Variants in RBPJ observed in about 807,000 individuals in gnomAD.
The protein encoded by RBPJ is recombination signal binding protein for immunoglobulin kappa J region.
RBPJ carries 9 observed loss-of-function variants against 67.8 expected under a neutral mutation model. That is an observed-to-expected ratio of 0.13 (90% confidence interval 0.08 to 0.23). The LOEUF is 0.23. Ranked by LOEUF, RBPJ falls within the 10% of genes least tolerant of loss-of-function variation. RBPJ has a pLI of 1.00. For missense variants in RBPJ, 305 were observed against 595.6 expected (o/e 0.51, Z 5.08); for synonymous variants, 198 against 203.3 (o/e 0.97, Z 0.22).
chr4:26,330,140 T>C (rs1724080657), intron 1 of RBPJ, among the ~76,000 whole-genome samples: 3 of 152,256 alleles, frequency 2.0e-5, no homozygotes, highest in African/African-American at 7.2e-5. Context: ...AGTGTTGTGC[T>C]TATTGTAGGT....
Position 26,424,846 on chromosome 4 carries a change from C to A in RBPJ, c.747+103C>A. The A allele has an allele frequency of 1.5e-6, 1 of 675,650 alleles. No homozygotes were observed. Among genetic ancestry groups the A allele is most frequent in the Non-Finnish European group, 2.6e-6 (1 of 388,982 alleles). 41.9% of individuals were successfully genotyped at this position (675,650 alleles called of 1,614,324 possible). A position where few individuals can be genotyped will look rare whatever the true frequency, so the allele number is the denominator to read the frequency against. ...TGGAAAAACACACCTCAGTTTTATGCTTTTTAATTTTAAAAGGTATGTTAG... is the reference window on the plus strand; with the variant it reads ...TGGAAAAACACACCTCAGTTTTATGATTTTTAATTTTAAAAGGTATGTTAG... On this transcript the variant is annotated intron_variant, in intron 7 of 10. Coordinates refer to ENST00000355476, the MANE Select transcript of RBPJ (RefSeq NM_015874.6). This position sits in a 1 kb window ranked among gnomAD's most constrained non-coding sequence, Gnocchi z 5.3.
At chr4:26,220,941 G>A (rs1718882172) in intron 1 of RBPJ, among the ~76,000 whole-genome samples, 1 of 152,164 alleles carries the variant, frequency 6.6e-6, no homozygotes, top group East Asian at 1.9e-4. Flanking sequence ...TAATCCTATA[G>A]CATCTACTGA....
chr4:26,371,649 C>G (rs972366603), intron 1 of RBPJ, among the ~76,000 whole-genome samples: 4 of 152,072 alleles, frequency 2.6e-5, no homozygotes, highest in Non-Finnish European at 5.9e-5. Context: ...ACACAGATTT[C>G]CCTGGTTTAT....
chr4:26,406,395 A>G lies in RBPJ; in HGVS notation c.155+125A>G, dbSNP rs951572388. 5 of 631,762 alleles carry G rather than the reference A, an allele frequency of 7.9e-6. No homozygotes were observed. In the East Asian group the frequency reaches 1.1e-4, roughly 14 times the overall value. 39.1% of individuals were successfully genotyped at this position (631,762 alleles called of 1,614,324 possible). A position where few individuals can be genotyped will look rare whatever the true frequency, so the allele number is the denominator to read the frequency against. On this transcript the variant is annotated intron_variant, in intron 3 of 10. Coordinates refer to ENST00000355476, the MANE Select transcript of RBPJ (RefSeq NM_015874.6). ...TTCATTTGCTAGTACAAAATAAAAA[A>G]TAGGGGATTTGTCTCCTGAAGGGGA...
At chr4:26,398,067 A>G (rs530426362) in intron 2 of RBPJ, among the ~76,000 whole-genome samples, 55 of 117,204 alleles carry the variant, frequency 4.7e-4, no homozygotes, top group Non-Finnish European at 8.9e-4. Flanking sequence ...TTCACGAGTG[A>G]TATTGTGTGT....
At chr4:26,246,566 C>T (rs191836928) in intron 1 of RBPJ, among the ~76,000 whole-genome samples, 58 of 152,244 alleles carry the variant, frequency 3.8e-4, no homozygotes, top group African/African-American at 1.3e-3. Context: ...TGACATTAAC[C>T]AAGGGATTAT....
intron 2 of RBPJ, among the ~76,000 whole-genome samples, chr4:26,389,439 A>G (rs1169339200): frequency 6.6e-6 from 1 of 151,128 alleles, no homozygotes; most frequent in African/African-American, 2.4e-5. Flanking sequence ...AGGGGGACCT[A>G]TACTTGTCAA....
At chr4:26,180,613 G>A (rs1033247536) in intron 1 of RBPJ, among the ~76,000 whole-genome samples, 4 of 152,126 alleles carry the variant, frequency 2.6e-5, no homozygotes, top group Non-Finnish European at 4.4e-5. Flanking sequence ...TACCATTCAC[G>A]AGGGTTTCAC....
At chr4:26,172,123 C>T (rs80133391) in intron 1 of RBPJ, among the ~76,000 whole-genome samples, 2 of 152,160 alleles carry the variant, frequency 1.3e-5, no homozygotes, top group East Asian at 1.9e-4. Flanking sequence ...ATCCAGGAAA[C>T]ATTTCAACAA....
intron 1 of RBPJ, among the ~76,000 whole-genome samples, chr4:26,292,195 G>T (rs1379085725): frequency 1.3e-5 from 2 of 150,410 alleles, no homozygotes. Flanking sequence ...CTGAAAGTTT[G>T]TACATTTTGA....
chr4:26,376,749 A>G (rs1031172747), intron 1 of RBPJ, among the ~76,000 whole-genome samples: 1 of 152,194 alleles, frequency 6.6e-6, no homozygotes, highest in East Asian at 1.9e-4. Context: ...CACTAGCTAT[A>G]TATGAAAGGT....
chr4:26,123,636 A>C, the RBPJ span, among the ~76,000 whole-genome samples: 1 of 152,238 alleles, frequency 6.6e-6, no homozygotes. Context: ...CACATCGTAC[A>C]GCTATACAAA....
At chr4:26,250,300 A>C (rs1262381809) in intron 1 of RBPJ, among the ~76,000 whole-genome samples, 5 of 144,860 alleles carry the variant, frequency 3.5e-5, no homozygotes, top group African/African-American at 1.0e-4. Context: ...AGGCTCATAC[A>C]TGTTGTAGCA....
intron 1 of RBPJ, among the ~76,000 whole-genome samples, chr4:26,201,853 T>C (rs1052042185): frequency 2.6e-5 from 4 of 152,314 alleles, no homozygotes; most frequent in Middle Eastern, 3.4e-3. Flanking sequence ...TCAAGACTTA[T>C]ACACAGATCA....
intron 1 of RBPJ, among the ~76,000 whole-genome samples, chr4:26,322,635 T>A (rs926721793): frequency 6.7e-6 from 1 of 149,368 alleles, no homozygotes; most frequent in East Asian, 2.0e-4. Context: ...CAAATGCAGT[T>A]AAAAAGTATA....
intron 1 of RBPJ, among the ~76,000 whole-genome samples, chr4:26,357,431 A>T (rs1200140912): frequency 6.6e-6 from 1 of 152,226 alleles, no homozygotes; most frequent in Non-Finnish European, 1.5e-5. Context: ...GAGTAGTGCC[A>T]CTTAACGAAG....
At position 26,338,577 on chromosome 4, in the gene RBPJ, C is replaced by CTT. The variant is rs34060445; in HGVS notation, c.20+17544_20+17545dup. Among the ~76,000 whole-genome samples, 149 of 137,548 alleles carry CTT rather than the reference C, an allele frequency of 1.1e-3. 1 individual carries two copies. The highest frequency in any genetic ancestry group is 5.1e-3 in the South Asian group (22 of 4,328). The allele number at this position is 137,548 out of a possible 152,430, so 90.2% of individuals were successfully genotyped here. ...GTGTGTTACATAATGTAGGCTCTAA[C>CTT]TTTTTTTTTTTTTTTTGAGATAGAG... On this transcript the variant is annotated intron_variant, in intron 1 of 10. Coordinates refer to ENST00000355476, the MANE Select transcript of RBPJ (RefSeq NM_015874.6).
At chr4:26,392,616 C>G (rs1484033787) in intron 2 of RBPJ, among the ~76,000 whole-genome samples, 1 of 152,132 alleles carries the variant, frequency 6.6e-6, no homozygotes, top group Non-Finnish European at 1.5e-5. Flanking sequence ...AAAATGCAAA[C>G]TGATCTGTAC....
intron 3 of RBPJ, among the ~76,000 whole-genome samples, chr4:26,411,836 G>A (rs909756300): frequency 8.6e-5 from 13 of 151,870 alleles, no homozygotes; most frequent in Admixed American, 4.6e-4. Context: ...GGCCAGGCGC[G>A]GTGGCTCACG....
Sources: allele counts gnomAD v4.1 joint callset (sites outside exome capture counted in the v4.1 genomes callset), GRCh38; gene constraint gnomAD v4.1.1; non-coding constraint Gnocchi (gnomAD v3.1); transcripts MANE v1.5; gene names NCBI Gene and HGNC (gene_info 2026-07-23, HGNC 2026-07-21).